COL6A1: variants seen among roughly 807,000 people sequenced by gnomAD.
The protein encoded by COL6A1 is collagen type VI alpha 1 chain, also known as collagen alpha-1(VI) chain.
Under a neutral mutation model 145.6 loss-of-function variants are expected in COL6A1, and 80 were observed. That is an observed-to-expected ratio of 0.55 (90% CI 0.46 to 0.66). The LOEUF is 0.66. COL6A1 is among the 30% of genes least tolerant of loss of function. The pLI is 0.00. For missense variants in COL6A1, 1,364 were observed against 1,473.8 expected (o/e 0.93, Z 1.22); for synonymous variants, 638 against 622.8 (o/e 1.02, Z -0.36).
At chr21:45,999,341 C>T (rs1209664484) in intron 26 of COL6A1, 123 bp downstream of exon 26, 16 of 1,035,394 alleles carry the variant, frequency 1.5e-5, no homozygotes, top group Admixed American at 4.0e-5. Flanking sequence ...TTGGGGAGCA[C>T]GTCATCTGGG....
At chr21:46,003,075 A>G (rs1414242523) in intron 33 of COL6A1, 45 bp from the exon 34 acceptor site, 1 of 1,613,852 alleles carries the variant, frequency 6.2e-7, no homozygotes, top group South Asian at 1.1e-5. Context: ...GCGGGGTTAT[A>G]GGTGGAGCAG....
chr21:45,997,862 C>A, intron 22 of COL6A1, 100 bp downstream of exon 22: 2 of 1,375,948 alleles, frequency 1.5e-6, no homozygotes, highest in Non-Finnish European at 2.0e-6. Flanking sequence ...GGTCCCTGAC[C>A]GGGCCGGGAG....
rs540294588 is a variant in COL6A1, at chr21:46,003,556, A to G, written c.2630A>G (p.Gln877Arg). 1 of 1,612,498 alleles carries G rather than the reference A, an allele frequency of 6.2e-7. No individual in the cohort carries two copies. The highest frequency in any genetic ancestry group is 8.5e-7 in the Non-Finnish European group (1 of 1,179,726). The change falls in exon 35 of 35, where the codon CAG becomes CGG. Residue 877 changes from glutamine (Q) to arginine (R), a missense_variant. Around this residue, in one of 3 missense-constraint regions of COL6A1, gnomAD observed 938 missense variants for 1,003.8 expected, o/e 0.93. Transcript: ENST00000361866. ...CACGACGTGCGGGTGGCGGTGGTGC[A>G]GTACAGCGGCACGGGCCAGCAGCGC... ...PAHDVRVAVVQYSGTGQQRPE... is the reference protein window; with the variant it reads ...PAHDVRVAVVRYSGTGQQRPE...
chr21:45,995,250 C>A (rs954730328), intron 20 of COL6A1, among the ~76,000 whole-genome samples: 1 of 152,238 alleles, frequency 6.6e-6, no homozygotes, highest in Non-Finnish European at 1.5e-5. Flanking sequence ...AGAAAGGGCT[C>A]CCGACACCTT....
chr21:45,992,237 A>G lies in COL6A1; in HGVS notation c.1236+20A>G. Reference sequence around the variant, plus strand: ...GACGAGGTGAGTGAGGGCTCCTGACACCTTCCTGGGGAAGTGCATGGCCTC... The same window carrying G: ...GACGAGGTGAGTGAGGGCTCCTGACGCCTTCCTGGGGAAGTGCATGGCCTC... On this transcript the variant is annotated intron_variant, in intron 17 of 34. Transcript: ENST00000361866. 1 of 1,613,534 alleles carries G rather than the reference A, an allele frequency of 6.2e-7. No individual in the cohort carries two copies. Among genetic ancestry groups the G allele is most frequent in the South Asian group, 1.1e-5 (1 of 91,064 alleles).
At position 45,988,571 on chromosome 21, in the gene COL6A1, G is replaced by A. The variant is rs966285877; in HGVS notation, c.805-513G>A. 1.1e-4 allele frequency among the ~76,000 whole-genome samples: 17 copies of A among 152,216 alleles called. 1 individual carries two copies. The highest frequency in any genetic ancestry group is 3.4e-4 in the African/African-American group (14 of 41,538). ...GGGGCTTCTGAGGGTGTCTCTGTCCGCCCTGCCCTCAGCCGCACTCTGTTC... is the reference window on the plus strand; with the variant it reads ...GGGGCTTCTGAGGGTGTCTCTGTCCACCCTGCCCTCAGCCGCACTCTGTTC... On this transcript the variant is annotated intron_variant, in intron 8 of 34. Transcript: ENST00000361866.
At chr21:45,984,665 G>A (rs1053841644) in intron 3 of COL6A1, among the ~76,000 whole-genome samples, 196 bp downstream of exon 3, 4 of 152,086 alleles carry the variant, frequency 2.6e-5, no homozygotes, top group African/African-American at 9.7e-5. Context: ...CAGAAACAGG[G>A]AGAAACAGAC....
chr21:45,997,085 C>T (rs952440037), intron 20 of COL6A1, among the ~76,000 whole-genome samples: 5 of 150,502 alleles, frequency 3.3e-5, no homozygotes, highest in Admixed American at 2.0e-4. Context: ...GGGCACTCAC[C>T]GAAGTCATCT....
At chr21:45,985,169 TACAGAG>T (rs915130556) in intron 3 of COL6A1, among the ~76,000 whole-genome samples, 1 of 78,002 alleles carries the variant, frequency 1.3e-5, no homozygotes, top group African/African-American at 4.2e-5. Context: ...GACAGAAACA[TACAGAG>T]ACAGAGAGAC....
rs1292840083 is a variant in COL6A1 at position 45,994,403 on chromosome 21, C to T, written c.1398+174C>T. On this transcript the variant is annotated intron_variant, in intron 20 of 34. Transcript: ENST00000361866. This position sits in a 1 kb window ranked among gnomAD's most constrained non-coding sequence, Gnocchi z 6.8. The stretch of plus-strand genomic sequence containing the variant: ...CCGGCTGCAGGGGGTGAGGCGCGGC[C>T]TGGGCCGGGCTGGTGTGGATTGTTG... 1.3e-5 allele frequency among the ~76,000 whole-genome samples: 2 copies of T among 152,094 alleles called. No individual in the cohort carries two copies. The highest frequency in any genetic ancestry group is 2.9e-5 in the Non-Finnish European group (2 of 68,002).
chr21:45,989,683 C>T (rs200848483), intron 10 of COL6A1, 31 bp downstream of exon 10: 26 of 1,613,022 alleles, frequency 1.6e-5, no homozygotes, highest in Admixed American at 6.7e-5. Context: ...GGCCCGAGCC[C>T]GGTGGTGCCC....
At chr21:45,998,849 A>G in intron 24 of COL6A1, 48 bp from the exon 25 acceptor site, 1 of 1,545,644 alleles carries the variant, frequency 6.5e-7, no homozygotes, top group East Asian at 2.4e-5. Flanking sequence ...CCACTTCCTA[A>G]AAACAAAATA....
intron 27 of COL6A1, 48 bp downstream of exon 27, chr21:45,999,740 C>T (rs1261907269): frequency 1.7e-5 from 27 of 1,579,704 alleles, no homozygotes; most frequent in African/African-American, 8.2e-5. Context: ...CTGTAGCTTC[C>T]ATCCCTTGGG....
intron 34 of COL6A1, 39 bp from the exon 35 acceptor site, chr21:46,003,352 C>A: frequency 6.2e-7 from 1 of 1,600,318 alleles, no homozygotes; most frequent in Non-Finnish European, 8.5e-7. Context: ...GCTGCATCAC[C>A]AGGGCCTCAT....
chr21:45,987,217 C>T (rs367669227), intron 6 of COL6A1, 42 bp downstream of exon 6: 168 of 1,586,416 alleles, frequency 1.1e-4, no homozygotes, highest in Admixed American at 1.0e-3. Flanking sequence ...AGTCTGCACA[C>T]GTCCACCCAC....
In COL6A1 at chr21:46,004,019, C is replaced by T. The variant is rs780339507; in HGVS notation, c.*6C>T. 4 of 1,613,060 alleles carry T rather than the reference C, an allele frequency of 2.5e-6. No homozygotes were observed. Among genetic ancestry groups the T allele is most frequent in the Non-Finnish European group, 3.4e-6 (4 of 1,180,018 alleles). On this transcript the variant is annotated 3_prime_UTR_variant, in exon 35 of 35. Coordinates refer to ENST00000361866, the MANE Select transcript of COL6A1 (RefSeq NM_001848.3). ...GGAAGGTGGCGCTGGGCTAGCCCACCCTGCACGCCGGCACCAAACCCTGTC... is the reference window on the plus strand; with the variant it reads ...GGAAGGTGGCGCTGGGCTAGCCCACTCTGCACGCCGGCACCAAACCCTGTC...
chr21:46,002,108 G>A (rs369561288), intron 31 of COL6A1, 38 bp downstream of exon 31: 172 of 1,587,144 alleles, frequency 1.1e-4, no homozygotes, highest in South Asian at 1.1e-3. Context: ...CCCACCCCTC[G>A]CCCCGACCGC....
rs755569169 is a variant in COL6A1, at chr21:45,982,776, C to T, written c.227+13C>T. On this transcript the variant is annotated intron_variant, in intron 2 of 34. Transcript: ENST00000361866. ...ACCTGAGGGACAGGTAGGAGGGACG[C>T]CCCGTGACCTTCCTCCTGTGCTTCT... 2 of 1,611,428 alleles carry T rather than the reference C, an allele frequency of 1.2e-6. No individual in the cohort carries two copies. Among genetic ancestry groups the T allele is most frequent in the South Asian group, 1.1e-5 (1 of 91,086 alleles).
At position 45,998,182 on chromosome 21, in the gene COL6A1, G is replaced by A. The variant is rs568099849; in HGVS notation, c.1575+11G>A. The A allele has an allele frequency of 2.5e-5, 41 of 1,611,250 alleles. No homozygotes were observed. Among genetic ancestry groups the A allele is most frequent in the African/African-American group, 6.7e-5 (5 of 74,986 alleles). ...TTCCCCGGCTTCCCCGTAAGTGTCC[G>A]GAGGCTGAGCCCACAGGAACATGCC... On this transcript the variant is annotated intron_variant, in intron 23 of 34. Coordinates refer to ENST00000361866, the MANE Select transcript of COL6A1 (RefSeq NM_001848.3).
Sources: allele counts gnomAD v4.1 joint callset (sites outside exome capture counted in the v4.1 genomes callset), GRCh38; gene constraint gnomAD v4.1.1; regional missense constraint gnomAD v4.1.1; non-coding constraint Gnocchi (gnomAD v3.1); transcripts MANE v1.5; gene names NCBI Gene and HGNC (gene_info 2026-07-23, HGNC 2026-07-21).